The following GCNT3 variants were observed in gnomAD, a reference collection of about 807,000 sequenced individuals.
GCNT3 encodes beta-1,3-galactosyl-O-glycosyl-glycoprotein beta-1,6-N-acetylglucosaminyltransferase 3.
For missense variants in GCNT3, 708 were observed against 530.3 expected (o/e 1.34, Z -3.29); for synonymous variants, 269 against 195.2 (o/e 1.38, Z -3.15).
At chr15:59,612,331 T>C (rs2082700057) in intron 1 of GCNT3, among the ~76,000 whole-genome samples, 1 of 152,246 alleles carries the variant, frequency 6.6e-6, no homozygotes, top group Non-Finnish European at 1.5e-5. Flanking sequence ...TGGGAAGAGT[T>C]AGCTATTTGA....
chr15:59,617,173 TC>T (rs767359706), intron 2 of GCNT3, among the ~76,000 whole-genome samples: 7,767 of 132,982 alleles, frequency 0.058, 739 homozygotes, highest in East Asian at 0.28. Context: ...TTGTTTTCTT[TC>T]TTTCTTTTTT....
intron 2 of GCNT3, 50 bp from the exon 3 acceptor site, chr15:59,618,129 G>A: frequency 1.5e-6 from 1 of 660,988 alleles, no homozygotes; most frequent in South Asian, 2.4e-5. Flanking sequence ...TGAACTTGAT[G>A]TTTCTGGGAA....
At chr15:59,613,035 C>G (rs1235257253) in intron 1 of GCNT3, among the ~76,000 whole-genome samples, 1 of 151,990 alleles carries the variant, frequency 6.6e-6, no homozygotes, top group Non-Finnish European at 1.5e-5. Flanking sequence ...TGGGCTAGCA[C>G]TGGATCTATT....
In GCNT3 at chr15:59,619,415, T is replaced by C; in HGVS notation, c.1177T>C (p.Tyr393His). 6.2e-7 allele frequency: 1 copy of C among 1,614,144 alleles called. No homozygotes were observed. Among genetic ancestry groups the C allele is most frequent in the Non-Finnish European group, 8.5e-7 (1 of 1,180,016 alleles). Residue 393 changes from tyrosine to histidine, a missense_variant, in exon 3 of 3, where the codon TAT becomes CAT. Coordinates refer to ENST00000396065, the MANE Select transcript of GCNT3 (RefSeq NM_004751.3). ...SGIHQRAICV[Y>H]GAGDLNWMLQ... is the part of the protein sequence containing the mutation. ...AATCCACCAGCGGGCTATCTGCGTT[T>C]ATGGGGCTGGGGACTTGAATTGGAT...
chr15:59,621,709 C>G lies in GCNT3; in HGVS notation c.*2154C>G, dbSNP rs995188782. ...CTCCTGGGTCCAAGCGATTCTCCTG[C>G]CTCAGCCTCCTGAGTAACTGGGATT... On this transcript the variant is annotated 3_prime_UTR_variant, in exon 3 of 3. Transcript: ENST00000396065. The G allele has an allele frequency of 2.7e-5, 4 of 147,450 alleles. No individual in the cohort carries two copies. Among genetic ancestry groups the G allele is most frequent in the Non-Finnish European group, 5.9e-5 (4 of 67,364 alleles). 9.1% of individuals were successfully genotyped at this position (147,450 alleles called of 1,614,324 possible).
rs1407858875 is a variant in GCNT3, at chr15:59,621,613, A to G, written c.*2058A>G. The G allele has an allele frequency of 4.1e-3, 2 of 488 alleles. No individual in the cohort carries two copies. The highest frequency in any genetic ancestry group is 9.4e-3 in the Non-Finnish European group (1 of 106). The allele number at this position is 488 out of a possible 1,614,324, so 0.0% of individuals were successfully genotyped here. A position where few individuals can be genotyped will look rare whatever the true frequency, so the allele number is the denominator to read the frequency against. On this transcript the variant is annotated 3_prime_UTR_variant, in exon 3 of 3. Transcript: ENST00000396065. The stretch of plus-strand genomic sequence containing the variant: ...TTTTGTTTTTTTTTTTTTTTTTGAG[A>G]CAGAGTCTCACTCTGTCACCCAGGT...
At position 59,618,931 on chromosome 15, in the gene GCNT3, T is replaced by G. The variant is rs1239788043; in HGVS notation, c.693T>G (p.Phe231Leu). The change falls in exon 3 of 3, where the codon TTT becomes TTG. Residue 231 changes from phenylalanine (F) to leucine (L), a missense_variant. Physicochemically the swap from Phe to Leu is conservative, Grantham distance 22 (BLOSUM62 0). Transcript: ENST00000396065. ...KYFLNTCGTDFPIKSNAEMVQ... is the reference protein window; with the variant it reads ...KYFLNTCGTDLPIKSNAEMVQ... ...TCCTGAATACATGTGGGACGGACTT[T>G]CCTATAAAGAGCAATGCAGAGATGG... 6.2e-7 allele frequency: 1 copy of G among 1,614,014 alleles called. No individual in the cohort carries two copies. Among genetic ancestry groups the G allele is most frequent in the Non-Finnish European group, 8.5e-7 (1 of 1,180,034 alleles).
chr15:59,622,337 T>C lies in GCNT3; in HGVS notation c.*2782T>C, dbSNP rs1171640400. 1 of 152,264 alleles carries C rather than the reference T, an allele frequency of 6.6e-6. No individual in the cohort carries two copies. The highest frequency in any genetic ancestry group is 2.1e-4 in the South Asian group (1 of 4,826). 9.4% of individuals were successfully genotyped at this position (152,264 alleles called of 1,614,324 possible). A position where few individuals can be genotyped will look rare whatever the true frequency, so the allele number is the denominator to read the frequency against. ...CAAAAAAAAAAAAAAAGTTACCTTTTTTTGGTAAGGTTGTACTTCTTAGAT... is the reference window on the plus strand; with the variant it reads ...CAAAAAAAAAAAAAAAGTTACCTTTCTTTGGTAAGGTTGTACTTCTTAGAT... On this transcript the variant is annotated 3_prime_UTR_variant, in exon 3 of 3. Transcript: ENST00000396065.
rs199814262 is a variant in GCNT3 at position 59,618,924 on chromosome 15, C to A, written c.686C>A (p.Thr229Lys). The stretch of plus-strand genomic sequence containing the variant: ...AAATACTTCCTGAATACATGTGGGA[C>A]GGACTTTCCTATAAAGAGCAATGCA... ...PWKYFLNTCG[T>K]DFPIKSNAEM... Residue 229 changes from threonine (T) to lysine (K), a missense_variant, in exon 3 of 3, where the codon ACG (threonine) becomes AAG (lysine). Coordinates refer to ENST00000396065, the MANE Select transcript of GCNT3 (RefSeq NM_004751.3). The A allele has an allele frequency of 2.5e-6, 4 of 1,613,994 alleles. No individual in the cohort carries two copies. Among genetic ancestry groups the A allele is most frequent in the South Asian group, 1.1e-5 (1 of 91,068 alleles).
intron 1 of GCNT3, among the ~76,000 whole-genome samples, chr15:59,613,016 A>G (rs570181574): frequency 1.3e-5 from 2 of 152,146 alleles, no homozygotes; most frequent in East Asian, 3.9e-4. Flanking sequence ...TCAGTAAAAT[A>G]GGTCTTTGTG....
chr15:59,614,347 G>C (rs2082710156), intron 1 of GCNT3, among the ~76,000 whole-genome samples: 1 of 152,200 alleles, frequency 6.6e-6, no homozygotes, highest in Admixed American at 6.5e-5. Flanking sequence ...GACCCCAACA[G>C]AGGGTTCTTG....
At chr15:59,616,420 C>G (rs572462288) in intron 1 of GCNT3, 1 of 152,296 alleles carries the variant, frequency 6.6e-6, no homozygotes, top group South Asian at 2.1e-4. Flanking sequence ...TTCTATGGTT[C>G]CTCGTTGAGG....
At chr15:59,615,488 A>G (rs1395882692) in intron 1 of GCNT3, among the ~76,000 whole-genome samples, 1 of 152,094 alleles carries the variant, frequency 6.6e-6, no homozygotes, top group African/African-American at 2.4e-5. Context: ...TCAATCTAGG[A>G]GTGGTAGCTA....
intron 1 of GCNT3, among the ~76,000 whole-genome samples, chr15:59,614,249 G>C (rs1347423393): frequency 1.3e-5 from 2 of 152,164 alleles, no homozygotes; most frequent in Middle Eastern, 3.2e-3. Context: ...AAGTCACTGA[G>C]AATCCCAGTA....
In GCNT3 at chr15:59,619,371, C is replaced by G; in HGVS notation, c.1133C>G (p.Pro378Arg). 1.9e-6 allele frequency: 3 copies of G among 1,614,118 alleles called. No individual in the cohort carries two copies. The highest frequency in any genetic ancestry group is 2.5e-6 in the Non-Finnish European group (3 of 1,180,026). ...GAGGGAGACATCGATAAGGGTGCTC[C>G]TTATGCTCCCTGCTCTGGAATCCAC... The part of the protein sequence containing the change: ...GHEGDIDKGA[P>R]YAPCSGIHQR... The change falls in exon 3 of 3, where the codon CCT (proline) becomes CGT (arginine). Residue 378 changes from proline (P) to arginine (R), a missense_variant. Pro to Arg is a moderately radical substitution (Grantham distance 103). Transcript: ENST00000396065.
chr15:59,619,707 A>T lies in GCNT3; in HGVS notation c.*152A>T, dbSNP rs1595657515. On this transcript the variant is annotated 3_prime_UTR_variant, in exon 3 of 3. Coordinates refer to ENST00000396065, the MANE Select transcript of GCNT3 (RefSeq NM_004751.3). ...CTGCTATTAGAGTGTGGGTAAGTAG[A>T]TCTTTTGCCTTGCAAATTGCTGCCT... 1 of 651,986 alleles carries T rather than the reference A, an allele frequency of 1.5e-6. No homozygotes were observed. Among genetic ancestry groups the T allele is most frequent in the Non-Finnish European group, 2.8e-6 (1 of 357,194 alleles). The allele number at this position is 651,986 out of a possible 1,614,324, so 40.4% of individuals were successfully genotyped here.
chr15:59,615,077 G>A (rs546384123), intron 1 of GCNT3: 1 of 152,242 alleles, frequency 6.6e-6, no homozygotes, highest in African/African-American at 2.4e-5. Context: ...ACTCTACTTT[G>A]TAATGCTGGA....
chr15:59,619,215 A>G lies in GCNT3; in HGVS notation c.977A>G (p.Tyr326Cys). Residue 326 changes from tyrosine to cysteine, a missense_variant, in exon 3 of 3, where the codon TAT (tyrosine) becomes TGT (cysteine). Tyr to Cys is a radical substitution (Grantham distance 194, BLOSUM62 -2). Coordinates refer to ENST00000396065, the MANE Select transcript of GCNT3 (RefSeq NM_004751.3). ...QQLIEWVKDT[Y>C]SPDEHLWATL... ...CTGATTGAATGGGTAAAAGACACTT[A>G]TAGCCCAGATGAACACCTCTGGGCC... The G allele has an allele frequency of 1.2e-6, 2 of 1,614,050 alleles. No homozygotes were observed. Among genetic ancestry groups the G allele is most frequent in the Non-Finnish European group, 1.7e-6 (2 of 1,179,966 alleles).
Position 59,618,611 on chromosome 15 carries a change from A to G in GCNT3, c.373A>G (p.Ser125Gly). 1 of 1,614,106 alleles carries G rather than the reference A, an allele frequency of 6.2e-7. No individual in the cohort carries two copies. Among genetic ancestry groups the G allele is most frequent in the Non-Finnish European group, 8.5e-7 (1 of 1,179,982 alleles). ...AERKFIQFPL[S>G]KEEVEFPIAY... ...AAGGAAGTTCATACAGTTCCCACTGAGCAAAGAAGAGGTGGAGTTCCCTAT... is the reference window on the plus strand; with the variant it reads ...AAGGAAGTTCATACAGTTCCCACTGGGCAAAGAAGAGGTGGAGTTCCCTAT... The change falls in exon 3 of 3, where the codon AGC (serine) becomes GGC (glycine). Residue 125 changes from serine to glycine, a missense_variant. By Grantham distance (56) the Ser-to-Gly change is moderately conservative. Transcript: ENST00000396065.
Sources: allele counts gnomAD v4.1 joint callset (sites outside exome capture counted in the v4.1 genomes callset), GRCh38; gene constraint gnomAD v4.1.1; transcripts MANE v1.5; gene names NCBI Gene and HGNC (gene_info 2026-07-23, HGNC 2026-07-21).